Variants in RTL9 observed in about 807,000 individuals in gnomAD.
RTL9 encodes retrotransposon Gag like 9.
RTL9 carries 19 observed loss-of-function variants against 44.7 expected under a neutral mutation model. The ratio of observed to expected loss-of-function variants is 0.42; its 90% CI spans 0.30 to 0.62. The LOEUF (loss-of-function observed/expected upper bound fraction) is 0.62, where lower values mean the gene tolerates loss of function less well. RTL9 is among the 20% of genes least tolerant of loss of function. The probability of loss-of-function intolerance (pLI) is 0.16; values close to 1 mark genes in which losing one functional copy is unlikely to be tolerated. For missense variants in RTL9, 1,105 were observed against 1,080.6 expected (o/e 1.02, Z -0.32); for synonymous variants, 407 against 398.9 (o/e 1.02, Z -0.24).
chrX:110,403,433 GACAC>G (rs1416880242), intron 1 of RTL9, among the ~76,000 whole-genome samples: 1 of 111,994 alleles, frequency 8.9e-6, no homozygotes, highest in Non-Finnish European at 1.9e-5. Context: ...TGTATACACA[GACAC>G]ACACAGACAG....
chrX:110,435,530 A>C (rs1413497579), intron 1 of RTL9, among the ~76,000 whole-genome samples: 4 of 111,907 alleles, frequency 3.6e-5, no homozygotes, highest in Non-Finnish European at 7.5e-5. Flanking sequence ...ATAATCCCCA[A>C]ATCTATAGCA....
chrX:110,372,533 T>C (rs2068346559), intron 1 of RTL9, among the ~76,000 whole-genome samples: 1 of 111,795 alleles, frequency 8.9e-6, no homozygotes, highest in South Asian at 3.7e-4. Flanking sequence ...CCTGTCTTTC[T>C]ATATCAGCCA....
intron 1 of RTL9, among the ~76,000 whole-genome samples, chrX:110,429,121 G>C (rs1013063123): frequency 8.9e-6 from 1 of 111,939 alleles, no homozygotes; most frequent in African/African-American, 3.3e-5. Context: ...ATCTCCTACT[G>C]TTCCAGACCA....
At chrX:110,367,139 AAT>A (rs1465774510) in intron 1 of RTL9, among the ~76,000 whole-genome samples, 1 of 111,981 alleles carries the variant, frequency 8.9e-6, no homozygotes, top group Non-Finnish European at 1.9e-5. Flanking sequence ...CTTTTTGCCT[AAT>A]CAAGGTCATT....
intron 1 of RTL9, among the ~76,000 whole-genome samples, chrX:110,364,886 T>C (rs951275198): frequency 7.1e-5 from 8 of 112,397 alleles, no homozygotes; most frequent in African/African-American, 2.6e-4. Flanking sequence ...TTCCCTGTAG[T>C]GCCAACTATA....
intron 1 of RTL9, among the ~76,000 whole-genome samples, chrX:110,411,354 T>TG (rs1458220455): frequency 1.8e-5 from 2 of 111,867 alleles, no homozygotes; most frequent in East Asian, 5.6e-4. Context: ...TCACCATTTC[T>TG]GGGGAAAAGG....
rs751385329 is a variant in RTL9, at chrX:110,455,253, C to A, written c.4099C>A (p.Gln1367Lys). 3 of 1,210,474 alleles carry A rather than the reference C, an allele frequency of 2.5e-6. No homozygotes were observed. The South Asian group carries it at 5.3e-5, about 21-fold the overall frequency. The change falls in exon 2 of 2, where the codon CAA becomes AAA. Residue 1367 changes from glutamine to lysine, a missense_variant. By Grantham distance (53) the Gln-to-Lys change is moderately conservative. Transcript: ENST00000540313. ...CTACCTGAAAGAGCATGGAGACCCC[C>A]AAGAAGGTCTTCATGATCACCTTGG...
intron 1 of RTL9, among the ~76,000 whole-genome samples, chrX:110,442,213 C>T (rs769768764): frequency 1.0e-5 from 1 of 97,236 alleles, no homozygotes; most frequent in African/African-American, 4.0e-5. Flanking sequence ...GAATTTGGAT[C>T]GAAGTCTTTC....
At chrX:110,413,445 C>T (rs985947703) in intron 1 of RTL9, among the ~76,000 whole-genome samples, 2 of 110,458 alleles carry the variant, frequency 1.8e-5, no homozygotes, top group Non-Finnish European at 3.8e-5. Context: ...CCAAGAACTC[C>T]TCCTTCTCAT....
exon 1 of RTL9, chrX:110,451,728 G>C: frequency 8.3e-7 from 1 of 1,211,584 alleles, no homozygotes; most frequent in South Asian, 1.8e-5. Context: ...AGGCTCTGGG[G>C]CGATGTCCCC....
intron 1 of RTL9, among the ~76,000 whole-genome samples, chrX:110,411,568 T>A (rs2068642054): frequency 8.9e-6 from 1 of 111,917 alleles, no homozygotes; most frequent in African/African-American, 3.3e-5. Context: ...AACGAGAAAC[T>A]GTAGAATCTA....
intron 1 of RTL9, among the ~76,000 whole-genome samples, 177 bp from the exon 2 acceptor site, chrX:110,444,976 A>C (rs2068901020): frequency 8.9e-6 from 1 of 112,602 alleles, no homozygotes; most frequent in Admixed American, 9.4e-5. Context: ...CACCTAATGC[A>C]AGGCAGTTCC....
intron 1 of RTL9, among the ~76,000 whole-genome samples, chrX:110,359,392 C>G (rs1289194105): frequency 1.8e-5 from 2 of 111,267 alleles, no homozygotes; most frequent in Admixed American, 1.9e-4. Flanking sequence ...TACTCATGAA[C>G]GACATGCTCT....
chrX:110,401,344 C>A (rs1320708192), intron 1 of RTL9, among the ~76,000 whole-genome samples: 1 of 111,279 alleles, frequency 9.0e-6, no homozygotes, highest in Non-Finnish European at 1.9e-5. Context: ...TACTACAGTG[C>A]CACCTACATG....
chrX:110,434,593 G>A (rs2068822502), intron 1 of RTL9, among the ~76,000 whole-genome samples: 1 of 111,731 alleles, frequency 9.0e-6, no homozygotes, highest in Non-Finnish European at 1.9e-5. Flanking sequence ...GCTTGGGTCC[G>A]TGGTGATACT....
At chrX:110,370,283 A>C (rs1399034761) in intron 1 of RTL9, among the ~76,000 whole-genome samples, 4 of 111,965 alleles carry the variant, frequency 3.6e-5, no homozygotes, top group Middle Eastern at 4.6e-3. Flanking sequence ...ATATTGGTTC[A>C]CTGAAAACTT....
At chrX:110,406,718 C>A (rs557897806) in intron 1 of RTL9, among the ~76,000 whole-genome samples, 2 of 112,269 alleles carry the variant, frequency 1.8e-5, no homozygotes, top group Non-Finnish European at 3.8e-5. Flanking sequence ...TACACACCCA[C>A]CAACAGTGTA....
At chrX:110,422,177 A>G (rs1426075910) in intron 1 of RTL9, among the ~76,000 whole-genome samples, 2 of 112,661 alleles carry the variant, frequency 1.8e-5, no homozygotes, top group African/African-American at 6.5e-5. Context: ...TTCCCTGTCC[A>G]GGTTTCTTCT....
chrX:110,369,695 T>C (rs1464728012), intron 1 of RTL9, among the ~76,000 whole-genome samples: 1 of 112,196 alleles, frequency 8.9e-6, no homozygotes, highest in Non-Finnish European at 1.9e-5. Context: ...TTATTGTGAA[T>C]TTTTTAGAGA....
Sources: allele counts gnomAD v4.1 joint callset (sites outside exome capture counted in the v4.1 genomes callset), GRCh38; gene constraint gnomAD v4.1.1; transcripts MANE v1.5; gene names NCBI Gene and HGNC (gene_info 2026-07-23, HGNC 2026-07-21).